Variants in CUX2 observed in about 807,000 individuals in gnomAD.
CUX2 encodes homeobox protein cut-like 2.
A neutral mutation model predicts 144.8 loss-of-function variants in CUX2; 40 were observed. That is an observed-to-expected ratio of 0.28 (90% CI 0.21 to 0.36). CUX2 has a LOEUF of 0.36. CUX2 is among the 10% of genes least tolerant of loss of function. The probability of loss-of-function intolerance (pLI) is 1.00; values close to 1 mark genes in which losing one functional copy is unlikely to be tolerated. For synonymous variants in CUX2, 827 were observed against 875.6 expected (o/e 0.94, Z 0.98); for missense variants, 1,615 against 1,994.0 (o/e 0.81, Z 3.62).
chr12:111,316,704 T>C (rs530389997), intron 16 of CUX2, among the ~76,000 whole-genome samples: 1 of 150,864 alleles, frequency 6.6e-6, no homozygotes, highest in East Asian at 2.0e-4. Flanking sequence ...CCTGCCTCAG[T>C]CTCCCAAAGT....
intron 17 of CUX2, among the ~76,000 whole-genome samples, chr12:111,321,802 C>T (rs1887547968): frequency 6.6e-6 from 1 of 152,174 alleles, no homozygotes; most frequent in Admixed American, 6.5e-5. Flanking sequence ...GTCACCTCTA[C>T]CTTTAGCAAG....
intron 1 of CUX2, among the ~76,000 whole-genome samples, chr12:111,168,931 A>G (rs1396134919): frequency 1.3e-5 from 2 of 152,086 alleles, no homozygotes; most frequent in Admixed American, 6.5e-5. Context: ...ATGAAGGTCC[A>G]TATCAGAGCC....
At chr12:111,044,856 C>T (rs1592845647) in intron 1 of CUX2, among the ~76,000 whole-genome samples, 1 of 152,180 alleles carries the variant, frequency 6.6e-6, no homozygotes, top group South Asian at 2.1e-4. Flanking sequence ...GAATTGGGCA[C>T]CGGCCTCAGG....
intron 1 of CUX2, among the ~76,000 whole-genome samples, chr12:111,212,662 G>A (rs1289820972): frequency 6.6e-6 from 1 of 152,240 alleles, no homozygotes; most frequent in Non-Finnish European, 1.5e-5. Context: ...CTATTTCAAA[G>A]CTACTTTGGT....
intron 1 of CUX2, among the ~76,000 whole-genome samples, chr12:111,191,426 C>T (rs888160661): frequency 1.3e-5 from 2 of 152,010 alleles, no homozygotes; most frequent in Non-Finnish European, 2.9e-5. Flanking sequence ...CCATCTCCTG[C>T]GTTCAAGCAA....
chr12:111,109,770 T>C (rs1873826131), intron 1 of CUX2, among the ~76,000 whole-genome samples: 1 of 152,180 alleles, frequency 6.6e-6, no homozygotes, highest in South Asian at 2.1e-4. Context: ...CTCATCTCTT[T>C]CCTAACCCAG....
rs984453828 is a variant in CUX2, at chr12:111,077,437, GC to G, written c.63+43199del. On this transcript the variant is annotated intron_variant, in intron 1 of 21. Transcript: ENST00000261726. This position sits in a 1 kb window ranked among gnomAD's most constrained non-coding sequence, Gnocchi z 4.1. ...GGACTTCTGCCCCCCTGGACTGATG[GC>G]CTAAATCCATCAGGCTCACCAGCCC... 1.3e-5 allele frequency among the ~76,000 whole-genome samples: 2 copies of G among 152,180 alleles called. No individual in the cohort carries two copies. The highest frequency in any genetic ancestry group is 4.8e-5 in the African/African-American group (2 of 41,452).
intron 1 of CUX2, among the ~76,000 whole-genome samples, chr12:111,193,296 C>T (rs979865957): frequency 3.3e-5 from 5 of 152,326 alleles, no homozygotes; most frequent in Admixed American, 1.3e-4. Flanking sequence ...CAAGCATCCC[C>T]GGCACAGCCG....
intron 3 of CUX2, among the ~76,000 whole-genome samples, chr12:111,247,812 C>T (rs543312030): frequency 3.3e-5 from 5 of 152,356 alleles, no homozygotes; most frequent in Admixed American, 2.0e-4. Context: ...CTCACACACC[C>T]TCACAACCCT....
At chr12:111,201,043 T>C (rs528673796) in intron 1 of CUX2, among the ~76,000 whole-genome samples, 5 of 152,254 alleles carry the variant, frequency 3.3e-5, no homozygotes, top group African/African-American at 1.2e-4. Flanking sequence ...GACAAGCCTG[T>C]GTAGCCCCTG....
chr12:111,150,852 C>T (rs937637917), intron 1 of CUX2, among the ~76,000 whole-genome samples: 6 of 152,116 alleles, frequency 3.9e-5, no homozygotes, highest in East Asian at 3.9e-4. Context: ...CGAGAGGTCA[C>T]GTCATGTTTT....
intron 3 of CUX2, among the ~76,000 whole-genome samples, chr12:111,233,272 G>A (rs11065836): frequency 0.066 from 10,000 of 152,076 alleles, 927 homozygotes; most frequent in East Asian, 0.44. Context: ...TCTCTGGCTC[G>A]CTGGCCACCA....
At chr12:111,153,327 A>C (rs1475407191) in intron 1 of CUX2, among the ~76,000 whole-genome samples, 1 of 152,264 alleles carries the variant, frequency 6.6e-6, no homozygotes, top group East Asian at 1.9e-4. Flanking sequence ...ACAGATTTAC[A>C]GTCATGCATC....
At chr12:111,224,687 G>A (rs1042370848) in intron 3 of CUX2, among the ~76,000 whole-genome samples, 3 of 152,068 alleles carry the variant, frequency 2.0e-5, no homozygotes, top group South Asian at 2.1e-4. Flanking sequence ...TGTTAGATGC[G>A]TGCAGTTCTG....
intron 1 of CUX2, among the ~76,000 whole-genome samples, chr12:111,149,682 C>A (rs1411711475): frequency 6.6e-6 from 1 of 152,148 alleles, no homozygotes; most frequent in Non-Finnish European, 1.5e-5. Context: ...CCATAGAAAT[C>A]AATCAGGTTG....
chr12:111,066,254 A>G (rs1267883616), intron 1 of CUX2, among the ~76,000 whole-genome samples: 1 of 152,190 alleles, frequency 6.6e-6, no homozygotes, highest in Admixed American at 6.5e-5. Flanking sequence ...TTTTTCCAGA[A>G]CTGACCTATA....
At chr12:111,252,418 C>T (rs1883603822) in intron 3 of CUX2, among the ~76,000 whole-genome samples, 1 of 152,170 alleles carries the variant, frequency 6.6e-6, no homozygotes, top group Non-Finnish European at 1.5e-5. Context: ...CTCTTTCCTA[C>T]CCTGCTATTT....
At chr12:111,097,711 G>A (rs552397589) in intron 1 of CUX2, among the ~76,000 whole-genome samples, 1 of 152,332 alleles carries the variant, frequency 6.6e-6, no homozygotes, top group South Asian at 2.1e-4. Context: ...CAAGCGAGGC[G>A]CTCAGAGTCA....
intron 21 of CUX2, 37 bp from the exon 22 acceptor site, chr12:111,347,487 C>G: frequency 6.5e-7 from 1 of 1,538,056 alleles, no homozygotes; most frequent in Non-Finnish European, 8.7e-7. Context: ...TGGGAGTCCC[C>G]TGTCCAGCCC....
Sources: gnomAD v4.1 joint callset for allele counts (sites outside exome capture counted in the v4.1 genomes callset) on GRCh38, gnomAD v4.1.1 for gene constraint, Gnocchi (gnomAD v3.1) non-coding constraint, MANE v1.5 for transcripts, NCBI Gene and HGNC (gene_info 2026-07-23, HGNC 2026-07-21) for gene names.